HNF4G: variants seen among roughly 807,000 people sequenced by gnomAD.
HNF4G encodes the protein hepatocyte nuclear factor 4-gamma.
HNF4G carries 21 observed loss-of-function variants against 50.9 expected under a neutral mutation model. The observed-to-expected ratio is 0.41, with a 90% CI of 0.29 to 0.59. The LOEUF (loss-of-function observed/expected upper bound fraction) is 0.59. Among genes scored for constraint, HNF4G ranks in the 20% least tolerant of loss-of-function variants. HNF4G has a pLI of 0.26. For synonymous variants in HNF4G, 198 were observed against 185.6 expected, an observed-to-expected ratio of 1.07 and a Z score of -0.54; for missense variants, 527 against 559.4, an observed-to-expected ratio of 0.94 and a Z score of 0.58.
chr8:75,501,948 G>A lies in HNF4G; in HGVS notation c.-24+11740G>A, dbSNP rs1368750916. Among the ~76,000 whole-genome samples the A allele has an allele frequency of 2.6e-5, 4 of 151,866 alleles. No homozygotes were observed. The East Asian group carries it at 7.8e-4, about 30-fold the overall frequency. ...GCTCACTGCAACCTCCGCCTCCCGG[G>A]TTCAAGCGATTCTCCTGCCTTAGAC... On this transcript the variant is annotated intron_variant, in intron 2 of 10. Transcript: ENST00000354370.
intron 2 of HNF4G, among the ~76,000 whole-genome samples, chr8:75,530,307 A>T (rs1361191388): frequency 1.3e-5 from 2 of 152,028 alleles, no homozygotes; most frequent in Non-Finnish European, 2.9e-5. Flanking sequence ...AAAACTGGCA[A>T]TTTTTTAGCT....
chr8:75,431,265 AG>A (rs1433056704), intron 1 of HNF4G, among the ~76,000 whole-genome samples: 3 of 152,140 alleles, frequency 2.0e-5, no homozygotes, highest in Non-Finnish European at 4.4e-5. Flanking sequence ...GCCAGAATGA[AG>A]GAAGAGAAAA....
chr8:75,520,721 C>T (rs954822169), intron 2 of HNF4G, among the ~76,000 whole-genome samples: 2 of 152,010 alleles, frequency 1.3e-5, no homozygotes, highest in African/African-American at 2.4e-5. Flanking sequence ...TACAAGTGTG[C>T]ACCACCACGC....
chr8:75,503,305 A>T (rs1426323737), intron 2 of HNF4G, among the ~76,000 whole-genome samples: 1 of 152,204 alleles, frequency 6.6e-6, no homozygotes, highest in Non-Finnish European at 1.5e-5. Flanking sequence ...AAAAATGGCG[A>T]TCACCTACAG....
intron 5 of HNF4G, among the ~76,000 whole-genome samples, chr8:75,554,792 G>A (rs1479727505): frequency 1.3e-5 from 2 of 152,184 alleles, no homozygotes; most frequent in African/African-American, 4.8e-5. Context: ...TCTATAAAAT[G>A]CTATAAAATG....
At chr8:75,553,470 T>C (rs1447893089) in intron 5 of HNF4G, among the ~76,000 whole-genome samples, 2 of 152,122 alleles carry the variant, frequency 1.3e-5, no homozygotes, top group Non-Finnish European at 2.9e-5. Flanking sequence ...AAAAGGGTCA[T>C]GTGAGGGAGA....
intron 2 of HNF4G, among the ~76,000 whole-genome samples, chr8:75,524,157 T>C (rs1806120993): frequency 6.6e-6 from 1 of 152,126 alleles, no homozygotes; most frequent in Non-Finnish European, 1.5e-5. Flanking sequence ...AGACCTATAG[T>C]GGACACACAT....
intron 1 of HNF4G, among the ~76,000 whole-genome samples, chr8:75,462,345 G>A (rs1811874647): frequency 6.6e-6 from 1 of 152,134 alleles, no homozygotes; most frequent in Non-Finnish European, 1.5e-5. Flanking sequence ...CAGTGATTGT[G>A]TTACTTGAAC....
intron 3 of HNF4G, among the ~76,000 whole-genome samples, chr8:75,549,167 G>A (rs1283024601): frequency 6.6e-6 from 1 of 152,094 alleles, no homozygotes; most frequent in Non-Finnish European, 1.5e-5. Flanking sequence ...AAAAGAATGT[G>A]TTATTTTCTT....
chr8:75,492,940 C>T (rs1421786822), intron 2 of HNF4G, among the ~76,000 whole-genome samples: 5 of 151,818 alleles, frequency 3.3e-5, no homozygotes, highest in African/African-American at 9.7e-5. Context: ...ATTGGTTTGA[C>T]ACAAAAAACA....
chr8:75,548,733 T>C (rs948798369), intron 3 of HNF4G, among the ~76,000 whole-genome samples: 2 of 152,338 alleles, frequency 1.3e-5, no homozygotes, highest in South Asian at 2.1e-4. Context: ...TTTTCACAAC[T>C]ATTTCACAAA....
intron 1 of HNF4G, among the ~76,000 whole-genome samples, chr8:75,455,680 G>A (rs1811703053): frequency 6.6e-6 from 1 of 152,058 alleles, no homozygotes; most frequent in African/African-American, 2.4e-5. Context: ...TAATATCATT[G>A]AATTAGTAAA....
At chr8:75,521,906 T>G (rs552059164) in intron 2 of HNF4G, among the ~76,000 whole-genome samples, 25 of 152,310 alleles carry the variant, frequency 1.6e-4, no homozygotes, top group African/African-American at 5.8e-4. Flanking sequence ...ACAATGGCCC[T>G]ATTTAGGATT....
At chr8:75,441,342 C>A (rs1402158454) in intron 1 of HNF4G, among the ~76,000 whole-genome samples, 2 of 151,736 alleles carry the variant, frequency 1.3e-5, no homozygotes, top group Non-Finnish European at 2.9e-5. Flanking sequence ...GTCTCCCAGG[C>A]TCAAGTGAGT....
In HNF4G at chr8:75,497,240, G is replaced by A. The variant is rs114382518; in HGVS notation, c.-24+7032G>A. On this transcript the variant is annotated intron_variant, in intron 2 of 10. Transcript: ENST00000354370. ...GGGTCATTAAAATACATTTAATTTT[G>A]TCAAGCAGAGGACACCACATCTGAT... 2.8e-3 allele frequency among the ~76,000 whole-genome samples: 419 copies of A among 152,176 alleles called. 3 individuals are homozygous for A. The highest frequency in any genetic ancestry group is 9.7e-3 in the African/African-American group (404 of 41,524).
At chr8:75,486,913 G>T (rs1812510516) in intron 1 of HNF4G, among the ~76,000 whole-genome samples, 1 of 152,088 alleles carries the variant, frequency 6.6e-6, no homozygotes, top group Non-Finnish European at 1.5e-5. Context: ...GAGGCAGGAG[G>T]ATCACTTGAG....
chr8:75,434,097 A>T (rs887874155), intron 1 of HNF4G, among the ~76,000 whole-genome samples: 3 of 143,776 alleles, frequency 2.1e-5, no homozygotes, highest in Non-Finnish European at 3.0e-5. Context: ...TCCGCTTCCC[A>T]GGTTCAAGTG....
intron 1 of HNF4G, among the ~76,000 whole-genome samples, chr8:75,467,042 T>A (rs1025968123): frequency 1.3e-5 from 2 of 152,116 alleles, no homozygotes; most frequent in Non-Finnish European, 2.9e-5. Flanking sequence ...AGGAGTATAC[T>A]TTTTCTTTTA....
At chr8:75,457,011 C>A (rs777630504) in intron 1 of HNF4G, among the ~76,000 whole-genome samples, 1 of 152,158 alleles carries the variant, frequency 6.6e-6, no homozygotes, top group Non-Finnish European at 1.5e-5. Flanking sequence ...TCCCAAAGTA[C>A]TAAGATAAGG....
Sources: allele counts gnomAD v4.1 joint callset (sites outside exome capture counted in the v4.1 genomes callset), GRCh38; gene constraint gnomAD v4.1.1; transcripts MANE v1.5; gene names NCBI Gene and HGNC (gene_info 2026-07-23, HGNC 2026-07-21).